Variants in ENTREP2 observed in about 807,000 individuals in gnomAD.
ENTREP2 encodes endosomal transmembrane epsin interactor 2, also known as protein ENTREP2.
the ENTREP2 span, among the ~76,000 whole-genome samples, chr15:29,533,392 G>A: frequency 8.5e-5 from 13 of 152,196 alleles, no homozygotes; most frequent in African/African-American, 3.1e-4. Context: ...CACTTGCAAT[G>A]GTGGGATGAA....
chr15:29,345,024 T>C, the ENTREP2 span, among the ~76,000 whole-genome samples: 1 of 151,326 alleles, frequency 6.6e-6, no homozygotes, highest in East Asian at 2.0e-4. Flanking sequence ...TTGTTTCCCT[T>C]TGCCAAGGCT....
At chr15:29,209,576 T>G in the ENTREP2 span, among the ~76,000 whole-genome samples, 2 of 152,172 alleles carry the variant, frequency 1.3e-5, no homozygotes, top group South Asian at 2.1e-4. Context: ...TGAGTGGACC[T>G]CAAGGCCTGC....
chr15:29,207,569 TGCTGATTGGTGCATTTTACAGAGC>T, the ENTREP2 span, among the ~76,000 whole-genome samples: 1 of 152,268 alleles, frequency 6.6e-6, no homozygotes, highest in South Asian at 2.1e-4. Flanking sequence ...TTTAGAATCC[TGCTGATTGGTGCATTTTACAGAGC>T]GCTGATTAGT....
chr15:29,215,093 G>A, the ENTREP2 span, among the ~76,000 whole-genome samples: 1 of 152,144 alleles, frequency 6.6e-6, no homozygotes, highest in Non-Finnish European at 1.5e-5. Flanking sequence ...TGGTCTGTTA[G>A]TAATTGTTTT....
At chr15:29,118,605 C>A in the ENTREP2 span, among the ~76,000 whole-genome samples, 29 of 152,308 alleles carry the variant, frequency 1.9e-4, no homozygotes, top group East Asian at 5.4e-3. Context: ...CAGGGAGACA[C>A]GTCCGCAGAG....
chr15:29,471,680 G>A, the ENTREP2 span, among the ~76,000 whole-genome samples: 396 of 152,258 alleles, frequency 2.6e-3, 1 homozygote, highest in African/African-American at 9.2e-3. Context: ...GGGGTAATAC[G>A]TAAGCCCCGC....
At chr15:29,308,545 C>T in the ENTREP2 span, among the ~76,000 whole-genome samples, 4 of 152,136 alleles carry the variant, frequency 2.6e-5, no homozygotes, top group African/African-American at 4.8e-5. Context: ...ACCAGCGGTG[C>T]GGCCCTAGCG....
At chr15:29,627,385 A>G in the ENTREP2 span, among the ~76,000 whole-genome samples, 1 of 152,064 alleles carries the variant, frequency 6.6e-6, no homozygotes, top group East Asian at 1.9e-4. Context: ...TCTACTAAAA[A>G]TACAAAAATT....
At chr15:29,477,395 T>C in the ENTREP2 span, among the ~76,000 whole-genome samples, 7 of 141,878 alleles carry the variant, frequency 4.9e-5, no homozygotes, top group African/African-American at 1.9e-4. Flanking sequence ...TCTGCATGTA[T>C]GTTAGACTTC....
At chr15:29,167,635 A>C in the ENTREP2 span, among the ~76,000 whole-genome samples, 43 of 152,342 alleles carry the variant, frequency 2.8e-4, no homozygotes, top group Admixed American at 1.7e-3. Context: ...TTACTCCTGC[A>C]AGAATGGCCA....
the ENTREP2 span, chr15:29,376,903 G>C: frequency 6.6e-6 from 1 of 152,302 alleles, no homozygotes; most frequent in Admixed American, 6.5e-5. Context: ...TACTCAGCCA[G>C]CCAGGCCTGC....
At chr15:29,504,971 A>C in the ENTREP2 span, among the ~76,000 whole-genome samples, 1 of 152,230 alleles carries the variant, frequency 6.6e-6, no homozygotes, top group Non-Finnish European at 1.5e-5. Context: ...AGATTTTGAT[A>C]CAAGGATGTA....
the ENTREP2 span, among the ~76,000 whole-genome samples, chr15:29,635,491 G>C: frequency 3.9e-5 from 6 of 152,148 alleles, no homozygotes; most frequent in Admixed American, 6.5e-5. Context: ...TGTGCACCCC[G>C]TGCATGGGAC....
the ENTREP2 span, among the ~76,000 whole-genome samples, chr15:29,385,713 A>G: frequency 1.3e-5 from 2 of 152,132 alleles, no homozygotes; most frequent in African/African-American, 4.8e-5. Flanking sequence ...TGGGTAGAGA[A>G]GGGTGGGGTG....
the ENTREP2 span, among the ~76,000 whole-genome samples, chr15:29,655,729 A>G: frequency 6.6e-6 from 1 of 152,182 alleles, no homozygotes; most frequent in Non-Finnish European, 1.5e-5. Context: ...TTAAAAAACA[A>G]AAAAACAAAA....
chr15:29,351,460 T>G, the ENTREP2 span, among the ~76,000 whole-genome samples: 5 of 151,850 alleles, frequency 3.3e-5, no homozygotes, highest in African/African-American at 9.7e-5. Context: ...ACAGGAGGAG[T>G]GATATGCTAA....
the ENTREP2 span, among the ~76,000 whole-genome samples, chr15:29,608,640 C>T: frequency 1.3e-5 from 2 of 150,976 alleles, no homozygotes; most frequent in African/African-American, 4.9e-5. Flanking sequence ...CTGCAAGCTC[C>T]GCCTCCCAGG....
the ENTREP2 span, among the ~76,000 whole-genome samples, chr15:29,175,502 C>T: frequency 1.3e-5 from 2 of 152,204 alleles, no homozygotes; most frequent in Middle Eastern, 3.2e-3. Context: ...TATGAGACGC[C>T]CATCCAAGAA....
chr15:29,315,694 A>C, the ENTREP2 span, among the ~76,000 whole-genome samples: 3 of 152,228 alleles, frequency 2.0e-5, no homozygotes, highest in African/African-American at 7.2e-5. Context: ...CAAAGTAATA[A>C]GGGAAAAACT....
Sources: gnomAD v4.1 joint callset for allele counts (sites outside exome capture counted in the v4.1 genomes callset) on GRCh38, gnomAD v4.1.1 for gene constraint, MANE v1.5 for transcripts, NCBI Gene and HGNC (gene_info 2026-07-23, HGNC 2026-07-21) for gene names.